CEACAM16: variants seen among roughly 807,000 people sequenced by gnomAD.
CEACAM16 encodes the protein cell adhesion molecule CEACAM16.
A neutral mutation model predicts 39.4 loss-of-function variants in CEACAM16; 30 were observed. The ratio of observed to expected loss-of-function variants is 0.76; its 90% CI spans 0.57 to 1.03. The LOEUF (loss-of-function observed/expected upper bound fraction) is 1.03. CEACAM16 is among the 50% of genes least tolerant of loss of function. CEACAM16 has a pLI of 0.00. For synonymous variants in CEACAM16, 262 were observed against 264.9 expected (o/e 0.99, Z 0.11); for missense variants, 521 against 585.3 (o/e 0.89, Z 1.13).
Position 44,703,369 on chromosome 19 carries a change from G to C in CEACAM16, c.58G>C (p.Ala20Pro). 6.2e-7 allele frequency: 1 copy of C among 1,610,556 alleles called. No individual in the cohort carries two copies. Among genetic ancestry groups the C allele is most frequent in the Non-Finnish European group, 8.5e-7 (1 of 1,177,326 alleles). Residue 20 changes from alanine to proline, a missense_variant, in exon 3 of 7, where the codon GCC (alanine) becomes CCC (proline). Physicochemically the swap from Ala to Pro is conservative, Grantham distance 27. Transcript: ENST00000587331. Reference sequence around the variant, plus strand: ...CTCAGCCACATTCCTGAATGTGGGGGCCGAGATCTCTATCACCCTGGAGCC... The same window carrying C: ...CTCAGCCACATTCCTGAATGTGGGGCCCGAGATCTCTATCACCCTGGAGCC... ...LLSATFLNVG[A>P]EISITLEPAQ...
chr19:44,706,939 G>C (rs1404113935), intron 5 of CEACAM16, among the ~76,000 whole-genome samples: 3 of 152,174 alleles, frequency 2.0e-5, no homozygotes, highest in African/African-American at 7.2e-5. Context: ...TCTGTCCTTG[G>C]AGAGATGATC....
intron 4 of CEACAM16, among the ~76,000 whole-genome samples, 162 bp downstream of exon 4, chr19:44,704,458 C>T (rs1002615072): frequency 3.9e-5 from 6 of 152,242 alleles, no homozygotes; most frequent in South Asian, 2.1e-4. Context: ...TCGCCAGGTG[C>T]AGTGGCTCAC....
chr19:44,704,404 G>A, intron 4 of CEACAM16, 108 bp downstream of exon 4: 1 of 1,349,448 alleles, frequency 7.4e-7, no homozygotes, highest in Non-Finnish European at 9.8e-7. Context: ...CAGCAGGCAA[G>A]CTGGGATTGG....
Position 44,704,012 on chromosome 19 carries a change from C to G in CEACAM16, c.383-6C>G. 1 of 1,586,732 alleles carries G rather than the reference C, an allele frequency of 6.3e-7. No homozygotes were observed. On this transcript the variant is annotated splice_region_variant and splice_polypyrimidine_tract_variant and intron_variant, in intron 3 of 6. Coordinates refer to ENST00000587331, the MANE Select transcript of CEACAM16 (RefSeq NM_001039213.4). ...CCCCCTCCCCCTCTGTCTCTTGCCC[C>G]CACAGAGATCCTGGCCCAGCCCACA...
At position 44,706,297 on chromosome 19, in the gene CEACAM16, C is replaced by CACAT. The variant is rs1555772264; in HGVS notation, c.940+432_940+433insTACA. On this transcript the variant is annotated intron_variant, in intron 5 of 6. Transcript: ENST00000587331. ...ACACACACACACACACACACACACA[C>CACAT]ACACACACACACACAACTGAAGAAT... is the stretch of plus-strand genomic sequence containing the variant. Among the ~76,000 whole-genome samples the CACAT allele has an allele frequency of 1.0e-4, 13 of 125,180 alleles. 1 individual carries two copies. The highest frequency in any genetic ancestry group is 5.1e-4 in the South Asian group (2 of 3,902). 82.1% of individuals were successfully genotyped at this position (125,180 alleles called of 152,430 possible).
At chr19:44,699,830 T>C (rs1037271642) in intron 1 of CEACAM16, among the ~76,000 whole-genome samples, 1 of 152,164 alleles carries the variant, frequency 6.6e-6, no homozygotes, top group Non-Finnish European at 1.5e-5. Flanking sequence ...ATCTCTATTT[T>C]TTTGTTTGTT....
Position 44,703,529 on chromosome 19 carries a change from G to A in CEACAM16, c.218G>A (p.Gly73Asp), listed in dbSNP as rs781697431. 3 of 1,613,574 alleles carry A rather than the reference G, an allele frequency of 1.9e-6. No individual in the cohort carries two copies. The highest frequency in any genetic ancestry group is 2.5e-6 in the Non-Finnish European group (3 of 1,179,852). The change falls in exon 3 of 7, where the codon GGC becomes GAC. Residue 73 changes from glycine to aspartate, a missense_variant. Coordinates refer to ENST00000587331, the MANE Select transcript of CEACAM16 (RefSeq NM_001039213.4). Reference sequence around the variant, plus strand: ...GTGGCCAGCTACATCGTGAGCACAGGCGATGAGACTCCTGGCCCGGCCCAC... The same window carrying A: ...GTGGCCAGCTACATCGTGAGCACAGACGATGAGACTCCTGGCCCGGCCCAC... ...YLVASYIVST[G>D]DETPGPAHTG...
chr19:44,707,425 A>G (rs528106237), intron 5 of CEACAM16, among the ~76,000 whole-genome samples: 6 of 152,244 alleles, frequency 3.9e-5, no homozygotes, highest in East Asian at 3.9e-4. Flanking sequence ...AATCTGATGG[A>G]GGAGCTATGG....
intron 1 of CEACAM16, chr19:44,699,577 A>T: frequency 5.4e-6 from 2 of 371,746 alleles, no homozygotes; most frequent in Non-Finnish European, 1.0e-5. Context: ...GGGTTTCACC[A>T]TGCTGGCCAG....
chr19:44,707,815 G>T, intron 5 of CEACAM16, 46 bp from the exon 6 acceptor site: 2 of 1,446,458 alleles, frequency 1.4e-6, no homozygotes, highest in South Asian at 2.9e-5. Flanking sequence ...GGGACACCAT[G>T]CCAGATGCAG....
chr19:44,705,179 A>G (rs1415712854), intron 4 of CEACAM16, among the ~76,000 whole-genome samples: 1 of 152,140 alleles, frequency 6.6e-6, no homozygotes, highest in Non-Finnish European at 1.5e-5. Flanking sequence ...CTAACCCTGA[A>G]ATCTTAGTCT....
Position 44,701,551 on chromosome 19 carries a change from G to GGGGAC in CEACAM16, c.37+59_37+63dup. 6.7e-7 allele frequency: 1 copy of GGGGAC among 1,498,788 alleles called. No individual in the cohort carries two copies. The highest frequency in any genetic ancestry group is 9.1e-7 in the Non-Finnish European group (1 of 1,102,018). 92.8% of individuals were successfully genotyped at this position (1,498,788 alleles called of 1,614,324 possible). ...CCCCCCGAGGACCCCAGGGAGGGGA[G>GGGGAC]GGGACCCCCAGTCTGAGAGAGGGAA... On this transcript the variant is annotated intron_variant, in intron 2 of 6. Coordinates refer to ENST00000587331, the MANE Select transcript of CEACAM16 (RefSeq NM_001039213.4). This position sits in a 1 kb window ranked among gnomAD's most constrained non-coding sequence, Gnocchi z 4.0.
intron 6 of CEACAM16, among the ~76,000 whole-genome samples, chr19:44,708,688 T>A (rs972855122): frequency 6.6e-6 from 1 of 152,138 alleles, no homozygotes; most frequent in Non-Finnish European, 1.5e-5. Flanking sequence ...GGATCATGTC[T>A]CCTCCTTTCT....
At chr19:44,703,281 C>A in intron 2 of CEACAM16, 68 bp from the exon 3 acceptor site, 2 of 1,441,882 alleles carry the variant, frequency 1.4e-6, no homozygotes, top group Non-Finnish European at 1.9e-6. Flanking sequence ...GCCTGAGTCT[C>A]TTCTTCTGTC....
At chr19:44,706,200 A>G (rs995198917) in intron 5 of CEACAM16, among the ~76,000 whole-genome samples, 2 of 112,346 alleles carry the variant, frequency 1.8e-5, no homozygotes, top group Admixed American at 1.0e-4. Flanking sequence ...CCCCCACCCC[A>G]CCACACAGAC....
At chr19:44,702,682 G>C (rs543827373) in intron 2 of CEACAM16, among the ~76,000 whole-genome samples, 1 of 152,380 alleles carries the variant, frequency 6.6e-6, no homozygotes, top group South Asian at 2.1e-4. Context: ...AGCTTGGAGA[G>C]GCAGAGGCAG....
rs369066111 is a variant in CEACAM16, at chr19:44,707,955, G to A, written c.1035G>A (p.Leu345=). The A allele has an allele frequency of 5.6e-6, 9 of 1,601,354 alleles. No individual in the cohort carries two copies. Among genetic ancestry groups the A allele is most frequent in the Non-Finnish European group, 7.7e-6 (9 of 1,173,084 alleles). The part of the protein sequence containing the change: ...TLTVQGYPKD[L]LVYAWYRGPA... ...CCGTGCAGGGCTACCCCAAGGACCT[G>A]CTGGTCTACGCCTGGTACCGCGGGC... The change falls in exon 6 of 7, where the codon CTG becomes CTA. Residue 345 remains leucine, a synonymous_variant. Transcript: ENST00000587331.
Position 44,710,632 on chromosome 19 carries a change from T to C in CEACAM16, c.*126T>C. 1.4e-6 allele frequency: 2 copies of C among 1,385,104 alleles called. No individual in the cohort carries two copies. The highest frequency in any genetic ancestry group is 1.0e-6 in the Non-Finnish European group (1 of 979,926). The allele number at this position is 1,385,104 out of a possible 1,614,324, so 85.8% of individuals were successfully genotyped here. A position where few individuals can be genotyped will look rare whatever the true frequency, so the allele number is the denominator to read the frequency against. ...GCTGTGGTCCTGCTGTTCTCCTGCCTCCACCCTAGAGCTAGAGCCACAGGG... is the reference window on the plus strand; with the variant it reads ...GCTGTGGTCCTGCTGTTCTCCTGCCCCCACCCTAGAGCTAGAGCCACAGGG... On this transcript the variant is annotated 3_prime_UTR_variant, in exon 7 of 7. Coordinates refer to ENST00000587331, the MANE Select transcript of CEACAM16 (RefSeq NM_001039213.4).
rs1948141206 is a variant in CEACAM16 at position 44,707,914 on chromosome 19, C to T, written c.994C>T (p.Gln332Ter). Residue 332 changes from glutamine to a stop codon, truncating the protein, a stop_gained, in exon 6 of 7, where the codon CAG becomes TAG. Transcript: ENST00000587331. LOFTEE classifies it high-confidence loss of function. ...CGTGCCCACCAAGCCAACGGAGGGC[C>T]AGGACGTAACACTGACCGTGCAGGG... ...VPVPTKPTEGQDVTLTVQGYP... is the reference protein window; with the variant it reads ...VPVPTKPTEG 9.5e-6 allele frequency: 15 copies of T among 1,574,826 alleles called. No homozygotes were observed. Among genetic ancestry groups the T allele is most frequent in the Non-Finnish European group, 1.3e-5 (15 of 1,152,132 alleles).
Sources: gnomAD v4.1 joint callset for allele counts (sites outside exome capture counted in the v4.1 genomes callset) on GRCh38, gnomAD v4.1.1 for gene constraint, Gnocchi (gnomAD v3.1) non-coding constraint, MANE v1.5 for transcripts, NCBI Gene and HGNC (gene_info 2026-07-23, HGNC 2026-07-21) for gene names.